Variants in DNAH8 observed in about 807,000 individuals in gnomAD.
DNAH8 encodes the protein dynein axonemal heavy chain 8.
DNAH8 carries 382 observed loss-of-function variants against 562.1 expected under a neutral mutation model. The observed-to-expected ratio is 0.68, with a 90% confidence interval of 0.63 to 0.74. The LOEUF is 0.74. Ranked by LOEUF, DNAH8 falls within the 30% of genes least tolerant of loss-of-function variation. The pLI is 0.00. For missense variants in DNAH8, 5,203 were observed against 5,620.4 expected (o/e 0.93, Z 2.37); for synonymous variants, 1,881 against 1,919.4 (o/e 0.98, Z 0.52).
chr6:38,804,043 A>T (rs1488507968), intron 22 of DNAH8, among the ~76,000 whole-genome samples: 1 of 152,160 alleles, frequency 6.6e-6, no homozygotes, highest in Admixed American at 6.5e-5. Context: ...TTACTTCATC[A>T]CATCTGTTCA....
At position 38,826,169 on chromosome 6, in the gene DNAH8, G is replaced by A. The variant is rs775715438; in HGVS notation, c.3861G>A (p.Leu1287=). 2 of 1,601,336 alleles carry A rather than the reference G, an allele frequency of 1.2e-6. No homozygotes were observed. The highest frequency in any genetic ancestry group is 2.3e-5 in the South Asian group (2 of 88,010). ...ALELHTEPMK[L]ALSIEAKAWK... ...TGTCTTCATCAGAGCCGATGAAATTGGCCTTATCCATCGAGGCCAAGGCAT... is the reference window on the plus strand; with the variant it reads ...TGTCTTCATCAGAGCCGATGAAATTAGCCTTATCCATCGAGGCCAAGGCAT... The change falls in exon 29 of 93, where the codon TTG becomes TTA. Residue 1287 remains leucine, a synonymous_variant. Coordinates refer to ENST00000327475, the MANE Select transcript of DNAH8 (RefSeq NM_001206927.2).
intron 88 of DNAH8, among the ~76,000 whole-genome samples, chr6:38,997,870 G>A (rs1381358746): frequency 1.3e-5 from 2 of 152,216 alleles, no homozygotes; most frequent in East Asian, 1.9e-4. Context: ...CGGTTCTCAT[G>A]TCTCAGCCTC....
intron 9 of DNAH8, among the ~76,000 whole-genome samples, chr6:38,752,646 A>G (rs955718656): frequency 2.6e-5 from 4 of 152,060 alleles, no homozygotes; most frequent in East Asian, 3.8e-4. Context: ...GTTATGGCCT[A>G]TATCACTTAG....
intron 81 of DNAH8, among the ~76,000 whole-genome samples, chr6:38,950,674 C>T (rs1354048062): frequency 1.3e-5 from 2 of 152,116 alleles, no homozygotes; most frequent in Non-Finnish European, 2.9e-5. Context: ...CTCCTAACCT[C>T]GTGATCTGCC....
intron 68 of DNAH8, 83 bp downstream of exon 68, chr6:38,915,460 CTGAAT>C (rs1186738371): frequency 8.8e-7 from 1 of 1,139,692 alleles, no homozygotes; most frequent in African/African-American, 1.6e-5. Flanking sequence ...CATCAGAAAA[CTGAAT>C]TGAATTCTTA....
At chr6:38,990,939 G>A in intron 88 of DNAH8, among the ~76,000 whole-genome samples, 1 of 152,218 alleles carries the variant, frequency 6.6e-6, no homozygotes, top group East Asian at 1.9e-4. Flanking sequence ...TTACATTCAG[G>A]AAAATGGTTT....
chr6:39,025,384 G>A (rs778325647), intron 91 of DNAH8, among the ~76,000 whole-genome samples: 1 of 152,208 alleles, frequency 6.6e-6, no homozygotes, highest in Non-Finnish European at 1.5e-5. Context: ...CCCATGGATG[G>A]CCTCTTCATC....
chr6:38,857,229 A>T (rs1776271496), intron 41 of DNAH8, among the ~76,000 whole-genome samples: 1 of 152,198 alleles, frequency 6.6e-6, no homozygotes, highest in East Asian at 1.9e-4. Flanking sequence ...CGTTGCATGG[A>T]AGTATCCAAT....
chr6:38,924,501 T>TC (rs5875645), intron 73 of DNAH8, among the ~76,000 whole-genome samples: 27,904 of 149,132 alleles, frequency 0.19, 3,043 homozygotes, highest in Non-Finnish European at 0.25. Context: ...AGAAACTCCA[T>TC]CCCCCCCCCA....
At chr6:39,028,154 C>T (rs139886129) in intron 92 of DNAH8, among the ~76,000 whole-genome samples, 2 of 152,314 alleles carry the variant, frequency 1.3e-5, no homozygotes, top group East Asian at 3.9e-4. Context: ...AAAATTCCTC[C>T]AGCCTCTCCC....
chr6:38,889,676 T>C (rs1293628341), intron 57 of DNAH8, among the ~76,000 whole-genome samples: 1 of 152,214 alleles, frequency 6.6e-6, no homozygotes, highest in African/African-American at 2.4e-5. Context: ...CCCTATCTCA[T>C]GCTTCTTATA....
At chr6:38,772,028 T>TC (rs1325418497) in intron 12 of DNAH8, among the ~76,000 whole-genome samples, 85 of 132,876 alleles carry the variant, frequency 6.4e-4, no homozygotes, top group Non-Finnish European at 2.3e-4. Flanking sequence ...GTTTATGATT[T>TC]CTTTTTTTTT....
Position 38,929,677 on chromosome 6 carries a change from TAAAA to T in DNAH8, c.11274+23_11274+26del, listed in dbSNP as rs376615002. The T allele has an allele frequency of 5.8e-5, 64 of 1,098,340 alleles. No homozygotes were observed. The highest frequency in any genetic ancestry group is 1.4e-4 in the South Asian group (6 of 43,336). The allele number at this position is 1,098,340 out of a possible 1,614,324, so 68.0% of individuals were successfully genotyped here. On this transcript the variant is annotated intron_variant, in intron 75 of 92. Coordinates refer to ENST00000327475, the MANE Select transcript of DNAH8 (RefSeq NM_001206927.2). ...GGCACCACTTTCAAGGTGAGCTTTGTAAAAAAAAAAAAAAAGAAAGAAAGAAAGA... is the reference window on the plus strand; with the variant it reads ...GGCACCACTTTCAAGGTGAGCTTTGTAAAAAAAAAAAGAAAGAAAGAAAGA...
At chr6:38,742,672 T>A (rs1698989) in intron 8 of DNAH8, among the ~76,000 whole-genome samples, 38,821 of 151,968 alleles carry the variant, frequency 0.26, 5,869 homozygotes, top group Middle Eastern at 0.35. Context: ...TTTTTGGTAA[T>A]AGATTTAAGC....
At position 38,786,927 on chromosome 6, in the gene DNAH8, T is replaced by A; in HGVS notation, c.2558T>A (p.Leu853Ter). The change falls in exon 18 of 93, where the codon TTG becomes TAG. Residue 853 changes from leucine (L) to a stop codon, truncating the protein, a stop_gained. Transcript: ENST00000327475. LOFTEE classifies it high-confidence loss of function. ...AGATTGCTAAAATTGGAAAGTAAAT[T>A]GAAAGCAGACAAACTGTATTTGCAG... ...AKRLLKLESK[L>*]KADKLYLQGL... is the part of the protein sequence containing the mutation. 1 of 1,609,440 alleles carries A rather than the reference T, an allele frequency of 6.2e-7. No homozygotes were observed. The highest frequency in any genetic ancestry group is 1.1e-5 in the South Asian group (1 of 89,956).
intron 88 of DNAH8, among the ~76,000 whole-genome samples, chr6:38,999,183 A>C (rs1198132883): frequency 6.6e-6 from 1 of 152,146 alleles, no homozygotes; most frequent in Non-Finnish European, 1.5e-5. Context: ...ACTCATCATG[A>C]AAGTGATTTA....
chr6:38,736,764 C>T (rs764604270), intron 5 of DNAH8, among the ~76,000 whole-genome samples: 6 of 151,730 alleles, frequency 4.0e-5, no homozygotes, highest in African/African-American at 7.3e-5. Context: ...ATTTTCTTTA[C>T]GCAGGTTTGG....
chr6:38,782,127 CA>C (rs967988697), intron 16 of DNAH8, among the ~76,000 whole-genome samples: 3 of 150,794 alleles, frequency 2.0e-5, no homozygotes, highest in Non-Finnish European at 1.5e-5. Context: ...TTCTGAATAT[CA>C]AAAAAAAATT....
rs1417663356 is a variant in DNAH8, at chr6:38,853,306, G to A, written c.5692G>A (p.Gly1898Arg). The change falls in exon 41 of 93, where the codon GGA (glycine) becomes AGA (arginine). Residue 1898 changes from glycine (G) to arginine (R), a missense_variant. Coordinates refer to ENST00000327475, the MANE Select transcript of DNAH8 (RefSeq NM_001206927.2). ...CGCTTTCTATCAAATCAGTGATTCA[G>A]GATTTCAACTCTTACCATTCCTCAG... is the stretch of plus-strand genomic sequence containing the variant. ...RSAFYQISDSGFQLLPFLSHF... is the reference protein window; with the variant it reads ...RSAFYQISDSRFQLLPFLSHF... The A allele has an allele frequency of 6.2e-7, 1 of 1,613,280 alleles. No individual in the cohort carries two copies. The highest frequency in any genetic ancestry group is 1.7e-5 in the Admixed American group (1 of 59,856).
Sources: gnomAD v4.1 joint callset for allele counts (sites outside exome capture counted in the v4.1 genomes callset) on GRCh38, gnomAD v4.1.1 for gene constraint, MANE v1.5 for transcripts, NCBI Gene and HGNC (gene_info 2026-07-23, HGNC 2026-07-21) for gene names.